Variants in STK32A observed in about 807,000 individuals in gnomAD.
STK32A encodes serine/threonine kinase 32A, also known as serine/threonine-protein kinase 32A.
Under a neutral mutation model 53.2 loss-of-function variants are expected in STK32A, and 41 were observed. That is an observed-to-expected ratio of 0.77 (90% CI 0.60 to 1.00). The LOEUF (loss-of-function observed/expected upper bound fraction) is 1.00, where lower values mean the gene tolerates loss of function less well. STK32A is among the 50% of genes least tolerant of loss of function. The probability of loss-of-function intolerance (pLI) is 0.00; values close to 1 mark genes in which losing one functional copy is unlikely to be tolerated. For synonymous variants in STK32A, 166 were observed against 162.8 expected (o/e 1.02, Z -0.15); for missense variants, 458 against 485.8 (o/e 0.94, Z 0.54).
intron 4 of STK32A, among the ~76,000 whole-genome samples, chr5:147,321,574 T>C (rs6888923): frequency 0.084 from 12,809 of 152,280 alleles, 1,131 homozygotes; most frequent in African/African-American, 0.22. Flanking sequence ...TCGAACACTG[T>C]TATTAACTTG....
At chr5:147,259,084 C>CG (rs1754372486) in intron 2 of STK32A, among the ~76,000 whole-genome samples, 1 of 152,202 alleles carries the variant, frequency 6.6e-6, no homozygotes, top group South Asian at 2.1e-4. Context: ...CTCAATCACC[C>CG]GGGAGGAACC....
chr5:147,283,086 A>G (rs116167339), intron 4 of STK32A, among the ~76,000 whole-genome samples: 6,548 of 152,292 alleles, frequency 0.043, 206 homozygotes, highest in Middle Eastern at 0.11. Context: ...TTCATATTAT[A>G]TCAACATTCT....
At chr5:147,285,260 A>C (rs559685366) in intron 4 of STK32A, among the ~76,000 whole-genome samples, 1 of 152,298 alleles carries the variant, frequency 6.6e-6, no homozygotes, top group East Asian at 1.9e-4. Flanking sequence ...AAGTAGGAGA[A>C]TGAAACTGGA....
chr5:147,260,697 G>A (rs536243543), intron 2 of STK32A, among the ~76,000 whole-genome samples: 7 of 152,130 alleles, frequency 4.6e-5, no homozygotes, highest in Non-Finnish European at 1.0e-4. Flanking sequence ...CTTCCCACTC[G>A]TTCTGTCCTC....
chr5:147,338,488 C>T (rs1343063040), intron 5 of STK32A, among the ~76,000 whole-genome samples: 1 of 152,080 alleles, frequency 6.6e-6, no homozygotes, highest in Non-Finnish European at 1.5e-5. Flanking sequence ...GAGTGGGGCA[C>T]TGCTGTAAAG....
the STK32A span, among the ~76,000 whole-genome samples, chr5:147,401,275 T>C: frequency 6.6e-6 from 1 of 152,218 alleles, no homozygotes; most frequent in African/African-American, 2.4e-5. Flanking sequence ...AATGAGATTG[T>C]GAGTGTAGTC....
chr5:147,330,117 TGTCTGGGC>T (rs1380808963), intron 5 of STK32A, among the ~76,000 whole-genome samples: 1 of 152,134 alleles, frequency 6.6e-6, no homozygotes, highest in Non-Finnish European at 1.5e-5. Context: ...TTGGGACAGG[TGTCTGGGC>T]ACAGTCTAGT....
intron 9 of STK32A, among the ~76,000 whole-genome samples, chr5:147,371,540 T>C (rs1262799897): frequency 1.3e-5 from 2 of 152,206 alleles, no homozygotes; most frequent in East Asian, 3.9e-4. Context: ...CCAATCCTAG[T>C]TCCTCCAGTT....
chr5:147,281,195 G>T (rs80343345), intron 4 of STK32A, among the ~76,000 whole-genome samples: 9,487 of 152,132 alleles, frequency 0.062, 345 homozygotes, highest in South Asian at 0.085. Context: ...ACAAAACAAG[G>T]CTCTTGATGC....
At chr5:147,285,736 G>A (rs1025267885) in intron 4 of STK32A, among the ~76,000 whole-genome samples, 1 of 150,944 alleles carries the variant, frequency 6.6e-6, no homozygotes, top group African/African-American at 2.4e-5. Flanking sequence ...AAACCATAAT[G>A]TGATTCCACC....
chr5:147,396,940 ATATT>A, the STK32A span, among the ~76,000 whole-genome samples: 50 of 128,910 alleles, frequency 3.9e-4, no homozygotes, highest in South Asian at 2.6e-3. Context: ...ATATGTGAAT[ATATT>A]TATTTATACG....
At chr5:147,318,775 C>CAA (rs5872017) in intron 4 of STK32A, among the ~76,000 whole-genome samples, 80 of 135,496 alleles carry the variant, frequency 5.9e-4, no homozygotes, top group African/African-American at 1.5e-3. Flanking sequence ...GACCCTGTCT[C>CAA]AAAAAAAAAA....
At chr5:147,351,615 G>C (rs938917074) in intron 7 of STK32A, among the ~76,000 whole-genome samples, 1 of 152,064 alleles carries the variant, frequency 6.6e-6, no homozygotes, top group African/African-American at 2.4e-5. Flanking sequence ...TTGGGAGGCT[G>C]AAGTAGGCAG....
chr5:147,260,172 TCTCTCTCCTCTCTCTCTC>T (rs1561674972), intron 2 of STK32A, among the ~76,000 whole-genome samples: 16 of 14,206 alleles, frequency 1.1e-3, no homozygotes, highest in African/African-American at 4.5e-3. Context: ...TGTCTCTCTC[TCTCTCTCCTCTCTCTCTC>T]CTCTCTCTCT....
rs375236579 is a variant in STK32A, at chr5:147,295,092, A to G, written c.260+15694A>G. Among the ~76,000 whole-genome samples, 8 of 152,244 alleles carry G rather than the reference A, an allele frequency of 5.3e-5. No individual in the cohort carries two copies. The East Asian group carries it at 5.8e-4, about 11-fold the overall frequency. On this transcript the variant is annotated intron_variant, in intron 4 of 12. Transcript: ENST00000397936. ...TTTGAGCTGTTTTATGCCAGTATTT[A>G]TAGATGAAAACCATTTCATAATTTT...
At chr5:147,350,805 A>T (rs999250609) in intron 6 of STK32A, among the ~76,000 whole-genome samples, 3 of 152,230 alleles carry the variant, frequency 2.0e-5, no homozygotes, top group Non-Finnish European at 4.4e-5. Context: ...AAGATGCCTA[A>T]CTAGAATTAC....
At chr5:147,394,219 C>T in the STK32A span, 3 of 1,284,734 alleles carry the variant, frequency 2.3e-6, no homozygotes, top group Non-Finnish European at 3.3e-6. Flanking sequence ...TTTAAGAGTG[C>T]AAGATATGAA....
At chr5:147,365,685 C>G (rs1005433237) in intron 8 of STK32A, among the ~76,000 whole-genome samples, 1 of 152,104 alleles carries the variant, frequency 6.6e-6, no homozygotes, top group South Asian at 2.1e-4. Context: ...CTGTGTTAGA[C>G]CCTTGCTAGC....
chr5:147,361,542 A>C lies in STK32A; in HGVS notation c.588A>C (p.Lys196Asn), dbSNP rs1756502795. The C allele has an allele frequency of 6.2e-7, 1 of 1,613,284 alleles. No individual in the cohort carries two copies. The highest frequency in any genetic ancestry group is 2.2e-5 in the East Asian group (1 of 44,870). Residue 196 changes from lysine (K) to asparagine (N), a missense_variant, in exon 8 of 13, where the codon AAA (lysine) becomes AAC (asparagine). Physicochemically the swap from Lys to Asn is moderately conservative, Grantham distance 94. Coordinates refer to ENST00000397936, the MANE Select transcript of STK32A (RefSeq NM_001112724.2). ...YMAPEMFSSR[K>N]GAGYSFAVDW... ...CACCTGAGATGTTCAGCTCCAGAAAAGGAGCAGGCTATTCCTTTGCTGTTG... is the reference window on the plus strand; with the variant it reads ...CACCTGAGATGTTCAGCTCCAGAAACGGAGCAGGCTATTCCTTTGCTGTTG...
Sources: allele counts gnomAD v4.1 joint callset (sites outside exome capture counted in the v4.1 genomes callset), GRCh38; gene constraint gnomAD v4.1.1; transcripts MANE v1.5; gene names NCBI Gene and HGNC (gene_info 2026-07-23, HGNC 2026-07-21).